The following PAX2 variants were observed in gnomAD, a reference collection of about 807,000 sequenced individuals.
The protein encoded by PAX2 is paired box protein Pax-2.
Under a neutral mutation model 41.7 loss-of-function variants are expected in PAX2, and 9 were observed. That is an observed-to-expected ratio of 0.22 (90% CI 0.13 to 0.38). PAX2 has a LOEUF of 0.38. Ranked by LOEUF, PAX2 falls within the 10% of genes least tolerant of loss-of-function variation. The pLI is 1.00. For synonymous variants in PAX2, 221 were observed against 212.7 expected (o/e 1.04, Z -0.34); for missense variants, 418 against 531.6 (o/e 0.79, Z 2.10).
rs372575088 is a variant in PAX2 at position 100,824,854 on chromosome 10, C to T, written c.1021+105C>T. 1.4e-4 allele frequency: 213 copies of T among 1,539,020 alleles called. No homozygotes were observed. The highest frequency in any genetic ancestry group is 2.2e-4 in the Admixed American group (13 of 59,910). ...GAGGCTGGGGTGGGGGGAGACACAA[C>T]GTCCCCTCCCTGCAAACCACTGCTA... On this transcript the variant is annotated intron_variant, in intron 8 of 9. Transcript: ENST00000355243. The surrounding 1 kb of genome is among the most constrained non-coding windows in gnomAD (Gnocchi z 6.6).
intron 5 of PAX2, among the ~76,000 whole-genome samples, chr10:100,794,544 T>G (rs1318375198): frequency 1.3e-5 from 2 of 152,182 alleles, no homozygotes; most frequent in Non-Finnish European, 2.9e-5. Flanking sequence ...GATTCTCACA[T>G]GATATGGTTC....
chr10:100,735,535 G>A, exon 1 of PAX2: 1 of 358,790 alleles, frequency 2.8e-6, no homozygotes, highest in Non-Finnish European at 4.3e-6. Context: ...GGCGCGGGCG[G>A]AGCACACAGC....
intron 1 of PAX2, among the ~76,000 whole-genome samples, chr10:100,736,376 C>T (rs1005831915): frequency 3.3e-5 from 5 of 152,154 alleles, no homozygotes; most frequent in South Asian, 4.1e-4. Flanking sequence ...TTCGCTTGTC[C>T]CCCAGGCTGC....
At chr10:100,738,436 G>T (rs1844845058) in intron 1 of PAX2, among the ~76,000 whole-genome samples, 1 of 152,168 alleles carries the variant, frequency 6.6e-6, no homozygotes, top group Non-Finnish European at 1.5e-5. Context: ...TCTCAGCCCC[G>T]CCTGGAACAC....
rs1001430398 is a variant in PAX2, at chr10:100,769,604, G to C, written c.411-9894G>C. ...CCATTGTACTCCAGCCTGGGCAACA[G>C]TGTGAGACTCCATCTCAAAAAGAAT... On this transcript the variant is annotated intron_variant, in intron 3 of 9. Transcript: ENST00000355243. Among the ~76,000 whole-genome samples, 8 of 139,608 alleles carry C rather than the reference G, an allele frequency of 5.7e-5. 1 individual carries two copies. The highest frequency in any genetic ancestry group is 2.3e-4 in the African/African-American group (8 of 35,046). 91.6% of individuals were successfully genotyped at this position (139,608 alleles called of 152,430 possible).
intron 1 of PAX2, among the ~76,000 whole-genome samples, chr10:100,738,394 G>A (rs1844843835): frequency 6.6e-6 from 1 of 152,168 alleles, no homozygotes; most frequent in South Asian, 2.1e-4. Context: ...GAGAGGGAGG[G>A]GGAGGTGCTG....
intron 3 of PAX2, among the ~76,000 whole-genome samples, chr10:100,779,176 G>A (rs972186071): frequency 6.6e-6 from 1 of 152,198 alleles, no homozygotes; most frequent in African/African-American, 2.4e-5. Context: ...TCCTCACCCT[G>A]CAGAAAAAGA....
At position 100,827,177 on chromosome 10, in the gene PAX2, T is replaced by C. The variant is rs948239606; in HGVS notation, c.1108+82T>C. 6.9e-6 allele frequency: 8 copies of C among 1,156,422 alleles called. No individual in the cohort carries two copies. The Admixed American group carries it at 1.4e-4, about 20-fold the overall frequency. The allele number at this position is 1,156,422 out of a possible 1,614,324, so 71.6% of individuals were successfully genotyped here. ...CGGTCCCACTCCCGGCGACCCGACC[T>C]CTGGGGACCCGGCCGGGCCAGGGGG... On this transcript the variant is annotated intron_variant, in intron 9 of 9. Coordinates refer to ENST00000355243, the MANE Select transcript of PAX2 (RefSeq NM_000278.5). The surrounding 1 kb of genome is among the most constrained non-coding windows in gnomAD (Gnocchi z 8.5).
rs1848723100 is a variant in PAX2, at chr10:100,829,735, G to A, written c.*2116G>A. The A allele has an allele frequency of 4.9e-6, 1 of 203,460 alleles. No individual in the cohort carries two copies. The highest frequency in any genetic ancestry group is 7.2e-5 in the East Asian group (1 of 13,856). The allele number at this position is 203,460 out of a possible 1,614,324, so 12.6% of individuals were successfully genotyped here. A position where few individuals can be genotyped will look rare whatever the true frequency, so the allele number is the denominator to read the frequency against. ...CGAACGGGGCGGCGAGGGCGGCGAGGGCGCCGAGGTCCGGCCCATCCCAGT... is the reference window on the plus strand; with the variant it reads ...CGAACGGGGCGGCGAGGGCGGCGAGAGCGCCGAGGTCCGGCCCATCCCAGT... On this transcript the variant is annotated 3_prime_UTR_variant, in exon 10 of 10. Transcript: ENST00000355243.
At position 100,826,133 on chromosome 10, in the gene PAX2, C is replaced by CAGA. The variant is rs2133987476; in HGVS notation, c.1022-873_1022-871dup. 6.6e-6 allele frequency among the ~76,000 whole-genome samples: 1 copy of CAGA among 152,218 alleles called. No homozygotes were observed. Among genetic ancestry groups the CAGA allele is most frequent in the African/African-American group, 2.4e-5 (1 of 41,516 alleles). ...AGTTCCTCTTGGTCACAGTTGAGCT[C>CAGA]AGAAGCTCATTATCCTGCTGCACGC... On this transcript the variant is annotated intron_variant, in intron 8 of 9. Transcript: ENST00000355243. This position sits in a 1 kb window ranked among gnomAD's most constrained non-coding sequence, Gnocchi z 5.5.
At chr10:100,793,783 C>T (rs975259972) in intron 5 of PAX2, among the ~76,000 whole-genome samples, 3 of 152,156 alleles carry the variant, frequency 2.0e-5, no homozygotes, top group African/African-American at 7.2e-5. Context: ...CTGACACCTT[C>T]CTCTCTGGCC....
Position 100,824,702 on chromosome 10 carries a change from C to G in PAX2, c.974C>G (p.Thr325Ser), listed in dbSNP as rs746260464. 6.2e-7 allele frequency: 1 copy of G among 1,611,324 alleles called. No homozygotes were observed. The highest frequency in any genetic ancestry group is 1.1e-5 in the South Asian group (1 of 91,030). Residue 325 changes from threonine to serine, a missense_variant, in exon 8 of 10, where the codon ACT (threonine) becomes AGT (serine). Coordinates refer to ENST00000355243, the MANE Select transcript of PAX2 (RefSeq NM_000278.5). This position sits in a 1 kb window ranked among gnomAD's most constrained non-coding sequence, Gnocchi z 6.6. ...LPGYPPHVPP[T>S]GQGSYPTSTL... ...GGTTACCCCCCTCACGTGCCCCCCA[C>G]TGGCCAGGGAAGCTACCCCACCTCC...
At chr10:100,815,135 A>G (rs2133967602) in intron 7 of PAX2, among the ~76,000 whole-genome samples, 1 of 152,286 alleles carries the variant, frequency 6.6e-6, no homozygotes, top group South Asian at 2.1e-4. Flanking sequence ...GACCTCCAGG[A>G]ACTGCCTCTT....
At chr10:100,740,434 CAA>C (rs1314616950) in intron 1 of PAX2, among the ~76,000 whole-genome samples, 1 of 152,094 alleles carries the variant, frequency 6.6e-6, no homozygotes, top group Non-Finnish European at 1.5e-5. Context: ...GAAGGGGAAA[CAA>C]AATAAAACAG....
At chr10:100,796,520 C>T (rs1408768360) in intron 5 of PAX2, among the ~76,000 whole-genome samples, 1 of 152,124 alleles carries the variant, frequency 6.6e-6, no homozygotes, top group Non-Finnish European at 1.5e-5. Context: ...TCTCTTTTCA[C>T]CCCTCCCCCA....
chr10:100,816,975 A>G (rs973537920), intron 7 of PAX2, among the ~76,000 whole-genome samples: 2 of 152,180 alleles, frequency 1.3e-5, no homozygotes, highest in African/African-American at 4.8e-5. Flanking sequence ...AGAGCTGACA[A>G]TTCAGTGCTC....
chr10:100,798,634 C>T (rs1847423284), intron 5 of PAX2, among the ~76,000 whole-genome samples: 2 of 151,878 alleles, frequency 1.3e-5, no homozygotes, highest in Admixed American at 6.6e-5. Flanking sequence ...TCCCACTTTC[C>T]CCTCATCCTC....
At chr10:100,749,297 G>A (rs759964171) in intron 1 of PAX2, 43 of 998,530 alleles carry the variant, frequency 4.3e-5, no homozygotes, top group Non-Finnish European at 4.6e-5. Context: ...CAAATCGTCC[G>A]CCTCCAAGCC....
At chr10:100,790,182 A>G (rs1292005823) in intron 5 of PAX2, among the ~76,000 whole-genome samples, 1 of 152,208 alleles carries the variant, frequency 6.6e-6, no homozygotes, top group Non-Finnish European at 1.5e-5. Context: ...TTTTTCATAC[A>G]ATGCCAGAAA....
Sources: allele counts gnomAD v4.1 joint callset (sites outside exome capture counted in the v4.1 genomes callset), GRCh38; gene constraint gnomAD v4.1.1; non-coding constraint Gnocchi (gnomAD v3.1); transcripts MANE v1.5; gene names NCBI Gene and HGNC (gene_info 2026-07-23, HGNC 2026-07-21).